The following PRKCB variants were observed in gnomAD, a reference collection of about 807,000 sequenced individuals.
PRKCB encodes the protein protein kinase C beta type.
A neutral mutation model predicts 81.5 loss-of-function variants in PRKCB; 13 were observed. The observed-to-expected ratio is 0.16, with a 90% confidence interval of 0.10 to 0.25. The LOEUF is 0.25. Among genes scored for constraint, PRKCB ranks in the 10% least tolerant of loss-of-function variants. PRKCB has a pLI of 1.00. For synonymous variants in PRKCB, 335 were observed against 321.4 expected (o/e 1.04, Z -0.45); for missense variants, 509 against 875.7 (o/e 0.58, Z 5.29).
intron 2 of PRKCB, among the ~76,000 whole-genome samples, chr16:23,866,103 T>C (rs8061108): frequency 0.065 from 9,868 of 152,226 alleles, 1,042 homozygotes; most frequent in African/African-American, 0.22. Flanking sequence ...ATTGCCTTCA[T>C]TAGAAAATGT....
chr16:24,003,790 T>A (rs917298746), intron 3 of PRKCB, among the ~76,000 whole-genome samples: 7 of 152,186 alleles, frequency 4.6e-5, no homozygotes, highest in African/African-American at 9.7e-5. Context: ...TCCCATGGCA[T>A]CCCTTTCACC....
chr16:23,883,834 A>G (rs1963159873), intron 2 of PRKCB, among the ~76,000 whole-genome samples: 1 of 152,158 alleles, frequency 6.6e-6, no homozygotes, highest in South Asian at 2.1e-4. Flanking sequence ...TGTGTTGTCC[A>G]GTAGAAATAT....
At chr16:23,996,078 G>T (rs1964953200) in intron 3 of PRKCB, among the ~76,000 whole-genome samples, 1 of 152,064 alleles carries the variant, frequency 6.6e-6, no homozygotes, top group African/African-American at 2.4e-5. Flanking sequence ...TATTTGACTG[G>T]CTGGGCAGGG....
chr16:24,082,840 A>C (rs1966267562), intron 5 of PRKCB, among the ~76,000 whole-genome samples: 1 of 152,162 alleles, frequency 6.6e-6, no homozygotes, highest in Non-Finnish European at 1.5e-5. Flanking sequence ...AAAGAAAAAA[A>C]AAAAAGTGGT....
intron 5 of PRKCB, among the ~76,000 whole-genome samples, chr16:24,044,787 C>G (rs1567355075): frequency 6.6e-6 from 1 of 152,210 alleles, no homozygotes; most frequent in Admixed American, 6.5e-5. Flanking sequence ...CTGGCCTTTA[C>G]TGAAAACATT....
At chr16:23,892,936 A>G (rs775813370) in intron 2 of PRKCB, 1 of 132,582 alleles carries the variant, frequency 7.5e-6, no homozygotes, top group East Asian at 2.4e-4. Context: ...GGATGGATCA[A>G]TCAGCATCTT....
intron 2 of PRKCB, among the ~76,000 whole-genome samples, chr16:23,873,433 A>G (rs553341990): frequency 6.6e-6 from 1 of 152,088 alleles, no homozygotes; most frequent in South Asian, 2.1e-4. Flanking sequence ...GAATGCAGGC[A>G]GCTGTGCGAT....
intron 2 of PRKCB, among the ~76,000 whole-genome samples, chr16:23,944,767 C>G (rs1025631991): frequency 6.6e-6 from 1 of 152,214 alleles, no homozygotes; most frequent in African/African-American, 2.4e-5. Flanking sequence ...CTCATAAACT[C>G]TCATGGGTTT....
intron 2 of PRKCB, among the ~76,000 whole-genome samples, chr16:23,945,752 C>A (rs796078880): frequency 9.5e-6 from 1 of 105,382 alleles, no homozygotes; most frequent in Non-Finnish European, 2.1e-5. Context: ...AAAAAGAAAA[C>A]AAAAACAAAA....
chr16:24,172,182 A>G (rs1318559409), intron 10 of PRKCB, 88 bp from the exon 11 acceptor site: 2 of 930,130 alleles, frequency 2.2e-6, no homozygotes, highest in East Asian at 2.6e-5. Context: ...GGTAGTTTTC[A>G]TCATAAATTC....
At chr16:23,929,825 T>C (rs762715544) in intron 2 of PRKCB, among the ~76,000 whole-genome samples, 16 of 152,164 alleles carry the variant, frequency 1.1e-4, no homozygotes, top group Non-Finnish European at 2.1e-4. Flanking sequence ...TTCTGGAGCC[T>C]AGATTTCAAA....
At chr16:24,044,045 C>G (rs567446129) in intron 5 of PRKCB, among the ~76,000 whole-genome samples, 3 of 152,094 alleles carry the variant, frequency 2.0e-5, no homozygotes, top group East Asian at 3.9e-4. Flanking sequence ...TTATGTGATA[C>G]TAGGTAGTTG....
chr16:24,038,839 T>C (rs182926943), intron 5 of PRKCB, among the ~76,000 whole-genome samples: 1 of 152,204 alleles, frequency 6.6e-6, no homozygotes, highest in South Asian at 2.1e-4. Flanking sequence ...TACCAAACAC[T>C]GTAGCACAGT....
intron 2 of PRKCB, among the ~76,000 whole-genome samples, chr16:23,982,539 C>T (rs1237533147): frequency 6.6e-6 from 1 of 151,900 alleles, no homozygotes; most frequent in Non-Finnish European, 1.5e-5. Context: ...ACCAATTCCC[C>T]CCACCTCAGC....
At chr16:24,172,476 G>T (rs1967458317) in intron 11 of PRKCB, 115 bp downstream of exon 11, 4 of 783,438 alleles carry the variant, frequency 5.1e-6, no homozygotes, top group South Asian at 1.7e-5. Context: ...GCATCTTTTT[G>T]AAAAAATATT....
intron 2 of PRKCB, among the ~76,000 whole-genome samples, chr16:23,882,025 C>CTTTCTTTCTTTCTTT (rs1597226197): frequency 4.9e-4 from 9 of 18,326 alleles, no homozygotes; most frequent in Non-Finnish European, 8.3e-4. Flanking sequence ...TTTCTTTCTT[C>CTTTCTTTCTTTCTTT]CTTCCTTCCT....
chr16:23,985,486 A>G (rs978477596), intron 2 of PRKCB, among the ~76,000 whole-genome samples: 1 of 152,244 alleles, frequency 6.6e-6, no homozygotes, highest in African/African-American at 2.4e-5. Context: ...AATCCCTTAG[A>G]TGATGCTAAA....
intron 2 of PRKCB, among the ~76,000 whole-genome samples, chr16:23,863,136 A>G (rs148496342): frequency 1.4e-5 from 2 of 147,544 alleles, no homozygotes; most frequent in South Asian, 4.2e-4. Context: ...ATATATATGC[A>G]TGTGTATGTG....
chr16:23,866,683 C>T (rs1171322959), intron 2 of PRKCB, among the ~76,000 whole-genome samples: 1 of 152,254 alleles, frequency 6.6e-6, no homozygotes. Context: ...AAGTGTTTCT[C>T]GTGTTCCTCG....
Sources: allele counts gnomAD v4.1 joint callset (sites outside exome capture counted in the v4.1 genomes callset), GRCh38; gene constraint gnomAD v4.1.1; transcripts MANE v1.5; gene names NCBI Gene and HGNC (gene_info 2026-07-23, HGNC 2026-07-21).